Variants in CRLS1 observed in about 807,000 individuals in gnomAD.
The protein encoded by CRLS1 is cardiolipin synthase (CMP-forming).
Under a neutral mutation model 37.0 loss-of-function variants are expected in CRLS1, and 24 were observed. That is an observed-to-expected ratio of 0.65 (90% confidence interval 0.47 to 0.91). The LOEUF (loss-of-function observed/expected upper bound fraction) is 0.91, where lower values mean the gene tolerates loss of function less well. CRLS1 is among the 40% of genes least tolerant of loss of function. The pLI, the probability that CRLS1 is intolerant of heterozygous loss-of-function variation, is 0.00. For synonymous variants in CRLS1, 135 were observed against 159.7 expected, an observed-to-expected ratio of 0.85 and a Z score of 1.17; for missense variants, 373 against 395.8, an observed-to-expected ratio of 0.94 and a Z score of 0.49.
intron 3 of CRLS1, among the ~76,000 whole-genome samples, chr20:6,024,106 C>T (rs1568625364): frequency 6.6e-6 from 1 of 152,042 alleles, no homozygotes; most frequent in Non-Finnish European, 1.5e-5. Flanking sequence ...AGGTACACCA[C>T]CACACACCCA....
At chr20:6,020,909 G>A (rs1979217223) in intron 3 of CRLS1, among the ~76,000 whole-genome samples, 2 of 151,732 alleles carry the variant, frequency 1.3e-5, no homozygotes, top group Non-Finnish European at 2.9e-5. Flanking sequence ...TGGGATTACA[G>A]GCGTGAGCCA....
chr20:6,020,564 A>G (rs1039720300), intron 3 of CRLS1, among the ~76,000 whole-genome samples: 6 of 151,870 alleles, frequency 4.0e-5, no homozygotes. Flanking sequence ...AAATGAATGT[A>G]TATTCTGCAG....
chr20:6,024,250 C>G (rs1979498143), intron 3 of CRLS1, among the ~76,000 whole-genome samples: 2 of 152,160 alleles, frequency 1.3e-5, no homozygotes, highest in Admixed American at 1.3e-4. Context: ...GCCACAGCAC[C>G]TGGTCTCTGT....
chr20:6,020,160 TA>T (rs1275447446), intron 3 of CRLS1, among the ~76,000 whole-genome samples: 1 of 152,234 alleles, frequency 6.6e-6, no homozygotes, highest in African/African-American at 2.4e-5. Context: ...TTTTTTCCTA[TA>T]CGCCTTCATA....
chr20:6,018,726 A>G (rs1006259707), intron 3 of CRLS1, among the ~76,000 whole-genome samples: 2 of 152,214 alleles, frequency 1.3e-5, no homozygotes, highest in Non-Finnish European at 2.9e-5. Context: ...TTCTGGGATT[A>G]TAAGCATAAG....
intron 3 of CRLS1, among the ~76,000 whole-genome samples, chr20:6,019,198 T>G (rs1013506616): frequency 6.6e-6 from 1 of 152,238 alleles, no homozygotes; most frequent in Non-Finnish European, 1.5e-5. Context: ...TCATTTTCTT[T>G]AATTGTTACG....
chr20:6,010,116 C>G (rs868386739), intron 2 of CRLS1, among the ~76,000 whole-genome samples: 4 of 145,718 alleles, frequency 2.7e-5, no homozygotes, highest in African/African-American at 5.1e-5. Flanking sequence ...AAGGAGGAAG[C>G]GAAAGTTGTA....
intron 1 of CRLS1, 103 bp downstream of exon 1, chr20:6,006,655 C>T: frequency 1.6e-6 from 2 of 1,212,690 alleles, no homozygotes; most frequent in Non-Finnish European, 2.0e-6. Flanking sequence ...GCTTCCGTTT[C>T]CTAACTTTTA....
chr20:6,037,437 GT>G lies in CRLS1; in HGVS notation c.*280del, dbSNP rs1192489993. 10 of 226,836 alleles carry G rather than the reference GT, an allele frequency of 4.4e-5. No individual in the cohort carries two copies. Among genetic ancestry groups the G allele is most frequent in the Non-Finnish European group, 7.6e-5 (9 of 117,854 alleles). 14.1% of individuals were successfully genotyped at this position (226,836 alleles called of 1,614,324 possible). On this transcript the variant is annotated 3_prime_UTR_variant, in exon 7 of 7. Coordinates refer to ENST00000378863, the MANE Select transcript of CRLS1 (RefSeq NM_019095.6). ...ATTTATAAGAGATCAATTATTGTCA[GT>G]CTTTTTTGTATGTTTTTTAAAAACA...
chr20:6,009,766 G>T lies in CRLS1; in HGVS notation c.307-9G>T. ...ATTTTACTTAAATTTTGTTGTCTTTGTGTTTCAGTATGAAAACCCATGGAC... is the reference window on the plus strand; with the variant it reads ...ATTTTACTTAAATTTTGTTGTCTTTTTGTTTCAGTATGAAAACCCATGGAC... On this transcript the variant is annotated splice_polypyrimidine_tract_variant and intron_variant, in intron 1 of 6. Transcript: ENST00000378863. 2 of 1,601,910 alleles carry T rather than the reference G, an allele frequency of 1.2e-6. No individual in the cohort carries two copies. The highest frequency in any genetic ancestry group is 1.7e-6 in the Non-Finnish European group (2 of 1,172,672).
At chr20:6,036,052 G>A (rs1484693566) in intron 6 of CRLS1, among the ~76,000 whole-genome samples, 2 of 152,026 alleles carry the variant, frequency 1.3e-5, no homozygotes, top group African/African-American at 4.8e-5. Context: ...TGATCCACCC[G>A]CCTCAGCCTC....
intron 3 of CRLS1, among the ~76,000 whole-genome samples, chr20:6,018,741 C>T (rs1187471296): frequency 1.3e-5 from 2 of 152,246 alleles, no homozygotes; most frequent in African/African-American, 2.4e-5. Context: ...CATAAGCCAC[C>T]ACCCCTGGCC....
chr20:6,010,221 G>T (rs1328343394), intron 2 of CRLS1, among the ~76,000 whole-genome samples: 1 of 152,148 alleles, frequency 6.6e-6, no homozygotes, highest in Non-Finnish European at 1.5e-5. Context: ...TTGCTTTAGG[G>T]ATAGAAATAA....
intron 3 of CRLS1, among the ~76,000 whole-genome samples, chr20:6,017,456 C>A (rs75548152): frequency 1.3e-5 from 2 of 152,190 alleles, no homozygotes; most frequent in Admixed American, 1.3e-4. Context: ...GTTATCCTAG[C>A]ACTTTTTATA....
chr20:6,010,382 G>A (rs946975203), intron 2 of CRLS1, among the ~76,000 whole-genome samples: 1 of 152,226 alleles, frequency 6.6e-6, no homozygotes, highest in Non-Finnish European at 1.5e-5. Flanking sequence ...GCATGTAGAA[G>A]TCATAGCTTT....
At chr20:6,013,794 C>T (rs1978523258) in intron 2 of CRLS1, among the ~76,000 whole-genome samples, 1 of 152,148 alleles carries the variant, frequency 6.6e-6, no homozygotes, top group Non-Finnish European at 1.5e-5. Flanking sequence ...AAGCACTATT[C>T]AGCTCTTAGG....
At position 6,027,152 on chromosome 20, in the gene CRLS1, C is replaced by T. The variant is rs146161497; in HGVS notation, c.575-4133C>T. Among the ~76,000 whole-genome samples, 798 of 148,960 alleles carry T rather than the reference C, an allele frequency of 5.4e-3. 11 individuals carry two copies. The highest frequency in any genetic ancestry group is 0.018 in the African/African-American group (726 of 40,370). On this transcript the variant is annotated intron_variant, in intron 3 of 6. Transcript: ENST00000378863. Reference sequence around the variant, plus strand: ...AGGCTGGTGTGCAATGGCGCTATCTCGGCTCACTGCAACCCCCGCCTCCCG... The same window carrying T: ...AGGCTGGTGTGCAATGGCGCTATCTTGGCTCACTGCAACCCCCGCCTCCCG...
intron 4 of CRLS1, 76 bp from the exon 5 acceptor site, chr20:6,031,936 C>G (rs1315778406): frequency 9.0e-7 from 1 of 1,106,696 alleles, no homozygotes; most frequent in African/African-American, 1.6e-5. Flanking sequence ...AGTATAATAA[C>G]AAAATGTCTA....
chr20:6,030,346 G>A (rs1980061504), intron 3 of CRLS1, among the ~76,000 whole-genome samples: 1 of 152,030 alleles, frequency 6.6e-6, no homozygotes, highest in South Asian at 2.1e-4. Context: ...GAGGAATGAT[G>A]ACAAAAATAT....
Sources: gnomAD v4.1 joint callset for allele counts (sites outside exome capture counted in the v4.1 genomes callset) on GRCh38, gnomAD v4.1.1 for gene constraint, MANE v1.5 for transcripts, NCBI Gene and HGNC (gene_info 2026-07-23, HGNC 2026-07-21) for gene names.